TENM4: variants seen among roughly 807,000 people sequenced by gnomAD.
The protein encoded by TENM4 is teneurin transmembrane protein 4, also known as teneurin-4.
TENM4 carries 82 observed loss-of-function variants against 243.3 expected under a neutral mutation model. That is an observed-to-expected ratio of 0.34 (90% CI 0.28 to 0.40). The LOEUF (loss-of-function observed/expected upper bound fraction) is 0.40, where lower values mean the gene tolerates loss of function less well. Among genes scored for constraint, TENM4 ranks in the 10% least tolerant of loss-of-function variants. The probability of loss-of-function intolerance (pLI) is 1.00; values close to 1 mark genes in which losing one functional copy is unlikely to be tolerated. For synonymous variants in TENM4, 1,412 were observed against 1,456.3 expected, an observed-to-expected ratio of 0.97 and a Z score of 0.69; for missense variants, 3,138 against 3,673.3, an observed-to-expected ratio of 0.85 and a Z score of 3.77.
intron 6 of TENM4, among the ~76,000 whole-genome samples, chr11:78,994,900 A>G (rs915591140): frequency 2.0e-5 from 3 of 152,190 alleles, no homozygotes; most frequent in Admixed American, 6.5e-5. Flanking sequence ...TTCTGTGCAA[A>G]ACACTGGGGT....
chr11:78,697,612 T>C (rs1859000264), intron 28 of TENM4, among the ~76,000 whole-genome samples: 1 of 152,182 alleles, frequency 6.6e-6, no homozygotes, highest in South Asian at 2.1e-4. Context: ...TTCCCTTCCA[T>C]TCTGAATTTA....
chr11:78,999,503 G>A (rs553202289), intron 6 of TENM4, among the ~76,000 whole-genome samples: 76 of 152,066 alleles, frequency 5.0e-4, no homozygotes, highest in Middle Eastern at 3.4e-3. Context: ...GAGACAGAGC[G>A]GGACTCCATC....
At chr11:79,117,673 C>T (rs1396205351) in intron 4 of TENM4, among the ~76,000 whole-genome samples, 1 of 152,220 alleles carries the variant, frequency 6.6e-6, no homozygotes, top group Non-Finnish European at 1.5e-5. Flanking sequence ...CAGCCACTGT[C>T]CACAACCATC....
At chr11:79,229,065 G>GT in intron 2 of TENM4, among the ~76,000 whole-genome samples, 1 of 152,314 alleles carries the variant, frequency 6.6e-6, no homozygotes. Context: ...TATTGGAAAG[G>GT]TTTTTGTAGG....
At chr11:79,237,969 A>T (rs1264598861) in intron 2 of TENM4, among the ~76,000 whole-genome samples, 1 of 151,958 alleles carries the variant, frequency 6.6e-6, no homozygotes, top group African/African-American at 2.4e-5. Context: ...AAAGCCCAAC[A>T]CTTCCTCGCT....
chr11:78,669,555 G>A lies in TENM4; in HGVS notation c.6790C>T (p.Arg2264Trp), dbSNP rs1039733613. 1.2e-6 allele frequency: 2 copies of A among 1,613,784 alleles called. No homozygotes were observed. The highest frequency in any genetic ancestry group is 1.3e-5 in the African/African-American group (1 of 74,900). The change falls in exon 32 of 34, where the codon CGG becomes TGG. Residue 2264 changes from arginine (R) to tryptophan (W), a missense_variant. Physicochemically the swap from Arg to Trp is moderately radical, Grantham distance 101. Transcript: ENST00000278550. This position sits in a 1 kb window ranked among gnomAD's most constrained non-coding sequence, Gnocchi z 6.4. ...TTGTACTCAAAGATATCACCGCCCC[G>A]CTGCCTCAGGAAGCCATCCTCATCC... ...KMDEDGFLRQ[R>W]GGDIFEYNSA...
chr11:79,243,999 C>G (rs1325937173), intron 2 of TENM4, among the ~76,000 whole-genome samples: 5 of 152,168 alleles, frequency 3.3e-5, no homozygotes, highest in Admixed American at 3.3e-4. Flanking sequence ...AACAAGCTCC[C>G]GTGATGCTGA....
At chr11:79,328,477 G>T (rs907848784) in intron 1 of TENM4, among the ~76,000 whole-genome samples, 1 of 152,166 alleles carries the variant, frequency 6.6e-6, no homozygotes, top group Non-Finnish European at 1.5e-5. Flanking sequence ...CTGCAAGAAA[G>T]CCCCTCTATC....
intron 2 of TENM4, among the ~76,000 whole-genome samples, chr11:79,261,533 C>T (rs965935386): frequency 3.9e-5 from 6 of 152,046 alleles, no homozygotes; most frequent in African/African-American, 1.4e-4. Flanking sequence ...GGGAATGAGC[C>T]CCCACAGTAT....
At chr11:79,121,615 T>C (rs891449158) in intron 4 of TENM4, among the ~76,000 whole-genome samples, 2 of 152,214 alleles carry the variant, frequency 1.3e-5, no homozygotes, top group African/African-American at 4.8e-5. Context: ...GCCCTAGGAA[T>C]GAGGGCCCTG....
chr11:78,999,766 C>G (rs1271221513), intron 6 of TENM4, among the ~76,000 whole-genome samples: 4 of 151,586 alleles, frequency 2.6e-5, no homozygotes, highest in Middle Eastern at 6.8e-3. Context: ...AACATTAAGC[C>G]CAACAACAAA....
intron 6 of TENM4, among the ~76,000 whole-genome samples, chr11:78,929,762 C>G (rs1856630216): frequency 6.6e-6 from 1 of 152,144 alleles, no homozygotes; most frequent in Non-Finnish European, 1.5e-5. Flanking sequence ...TCTCTTGTGT[C>G]AAAAGTTCAC....
At chr11:79,294,764 G>C (rs367880605) in intron 2 of TENM4, among the ~76,000 whole-genome samples, 1 of 152,012 alleles carries the variant, frequency 6.6e-6, no homozygotes, top group Non-Finnish European at 1.5e-5. Flanking sequence ...CAGGAGAATC[G>C]TTTGAACCTG....
chr11:78,744,978 G>A (rs1856013579), intron 19 of TENM4, among the ~76,000 whole-genome samples: 1 of 152,134 alleles, frequency 6.6e-6, no homozygotes, highest in African/African-American at 2.4e-5. Flanking sequence ...AGAAGTATCA[G>A]CTCTGCCATT....
chr11:79,026,332 G>A (rs894585840), intron 6 of TENM4, among the ~76,000 whole-genome samples: 16 of 152,198 alleles, frequency 1.1e-4, no homozygotes, highest in Admixed American at 1.0e-3. Context: ...AAAAGCAAAC[G>A]TGTGCAGATG....
At chr11:78,671,888 T>C (rs1240575018) in intron 31 of TENM4, 145 bp downstream of exon 31, 5 of 1,084,628 alleles carry the variant, frequency 4.6e-6, no homozygotes, top group Admixed American at 5.3e-5. Context: ...TGGGACCCCA[T>C]GCCCTCTGTG....
Position 78,854,972 on chromosome 11 carries a change from G to A in TENM4, c.1471-658C>T, listed in dbSNP as rs186342538. On this transcript the variant is annotated intron_variant, in intron 11 of 33. Coordinates refer to ENST00000278550, the MANE Select transcript of TENM4 (RefSeq NM_001098816.3). ...CGGAGACTGCTTGTGTGAGACTCCAGAAAAGTCAGTTACACTGTGTTAACA... is the reference window on the plus strand; with the variant it reads ...CGGAGACTGCTTGTGTGAGACTCCAAAAAAGTCAGTTACACTGTGTTAACA... Among the ~76,000 whole-genome samples the A allele has an allele frequency of 5.1e-3, 782 of 152,312 alleles. 4 individuals carry two copies. The highest frequency in any genetic ancestry group is 7.3e-3 in the Non-Finnish European group (494 of 68,034).
chr11:78,696,588 G>T (rs933394269), intron 28 of TENM4, among the ~76,000 whole-genome samples: 7 of 152,184 alleles, frequency 4.6e-5, no homozygotes, highest in African/African-American at 1.7e-4. Flanking sequence ...TTTATGGTTA[G>T]CCTCTAGGTA....
intron 27 of TENM4, among the ~76,000 whole-genome samples, chr11:78,706,728 C>T (rs569175470): frequency 1.3e-5 from 2 of 152,268 alleles, no homozygotes; most frequent in African/African-American, 4.8e-5. Context: ...TAAAGTTAAA[C>T]AATTTTCCGA....
Sources: allele counts gnomAD v4.1 joint callset (sites outside exome capture counted in the v4.1 genomes callset), GRCh38; gene constraint gnomAD v4.1.1; non-coding constraint Gnocchi (gnomAD v3.1); transcripts MANE v1.5; gene names NCBI Gene and HGNC (gene_info 2026-07-23, HGNC 2026-07-21).